The following SNX29 variants were observed in gnomAD, a reference collection of about 807,000 sequenced individuals.
SNX29 encodes sorting nexin-29.
In SNX29, 78 loss-of-function variants were observed where a neutral mutation model predicts 102.1. The observed-to-expected ratio is 0.76, with a 90% CI of 0.64 to 0.92. SNX29 has a LOEUF of 0.92. Among genes scored for constraint, SNX29 ranks in the 40% least tolerant of loss-of-function variants. The probability of loss-of-function intolerance (pLI) is 0.00; values close to 1 mark genes in which losing one functional copy is unlikely to be tolerated. For missense variants in SNX29, 1,280 were observed against 1,061.7 expected (o/e 1.21, Z -2.86); for synonymous variants, 580 against 414.5 (o/e 1.40, Z -4.85).
intron 13 of SNX29, among the ~76,000 whole-genome samples, chr16:12,134,598 A>G (rs2054592785): frequency 6.6e-6 from 1 of 152,188 alleles, no homozygotes; most frequent in East Asian, 1.9e-4. Context: ...CGCACCCAAG[A>G]TGGAAGCCAC....
At chr16:12,265,489 G>C (rs888326790) in intron 14 of SNX29, among the ~76,000 whole-genome samples, 1 of 152,130 alleles carries the variant, frequency 6.6e-6, no homozygotes, top group Non-Finnish European at 1.5e-5. Flanking sequence ...AAAGACACAT[G>C]AGACATGAAA....
rs1041394917 is a variant in SNX29 at position 12,084,929 on chromosome 16, A to T, written c.1402+6014A>T. Among the ~76,000 whole-genome samples the T allele has an allele frequency of 2.0e-5, 3 of 151,960 alleles. No individual in the cohort carries two copies. In the East Asian group the frequency reaches 5.8e-4, roughly 29 times the overall value. On this transcript the variant is annotated intron_variant, in intron 11 of 20. Coordinates refer to ENST00000566228, the MANE Select transcript of SNX29 (RefSeq NM_032167.5). ...ATAAAAAATAAAAAAAATTACCTGGATATGGTGGTGCGTACCTGTATTCCC... is the reference window on the plus strand; with the variant it reads ...ATAAAAAATAAAAAAAATTACCTGGTTATGGTGGTGCGTACCTGTATTCCC...
At chr16:12,564,114 T>G (rs2078886161) in intron 20 of SNX29, among the ~76,000 whole-genome samples, 1 of 152,180 alleles carries the variant, frequency 6.6e-6, no homozygotes. Flanking sequence ...CTTGATTGGG[T>G]GTGGTGGATC....
At chr16:12,252,355 G>T (rs1398858254) in intron 14 of SNX29, among the ~76,000 whole-genome samples, 2 of 152,176 alleles carry the variant, frequency 1.3e-5, no homozygotes, top group Non-Finnish European at 2.9e-5. Flanking sequence ...CCACCTGGCG[G>T]CTACCTCTCA....
chr16:12,142,771 C>T (rs11641707), intron 13 of SNX29, among the ~76,000 whole-genome samples: 29,834 of 151,712 alleles, frequency 0.2, 3,381 homozygotes, highest in Middle Eastern at 0.28. Context: ...TCATGTTGAC[C>T]AGGCTGATCT....
At chr16:12,473,127 C>G (rs2087436994) in intron 18 of SNX29, among the ~76,000 whole-genome samples, 1 of 152,126 alleles carries the variant, frequency 6.6e-6, no homozygotes, top group African/African-American at 2.4e-5. Context: ...ACAAAAAATT[C>G]TAACAATTTT....
At chr16:12,011,191 T>G (rs994903549) in intron 3 of SNX29, among the ~76,000 whole-genome samples, 2 of 141,962 alleles carry the variant, frequency 1.4e-5, no homozygotes, top group Non-Finnish European at 3.0e-5. Context: ...TGCTTGGGGT[T>G]TTTTTTTTTT....
chr16:12,032,785 C>T (rs999444577), intron 4 of SNX29, among the ~76,000 whole-genome samples: 10 of 151,808 alleles, frequency 6.6e-5, no homozygotes, highest in African/African-American at 2.4e-4. Flanking sequence ...GTTGCATTCC[C>T]ACTAGCAATG....
chr16:12,535,739 C>T (rs867484458), intron 20 of SNX29, among the ~76,000 whole-genome samples: 10 of 152,094 alleles, frequency 6.6e-5, no homozygotes, highest in East Asian at 1.9e-4. Flanking sequence ...GGCTTGGTCA[C>T]GCTCGTCTTC....
rs187311692 is a variant in SNX29 at position 12,038,410 on chromosome 16, C to G, written c.248-4487C>G. On this transcript the variant is annotated intron_variant, in intron 4 of 20. Coordinates refer to ENST00000566228, the MANE Select transcript of SNX29 (RefSeq NM_032167.5). ...TAACAGGTGCCCCGGGGCAGCTCTT[C>G]TCAACACCCCTTCCTGGCACTTGTT... 2.0e-3 allele frequency among the ~76,000 whole-genome samples: 299 copies of G among 152,304 alleles called. 5 individuals carry two copies. Among genetic ancestry groups the G allele is most frequent in the Admixed American group, 5.6e-3 (85 of 15,298 alleles).
chr16:12,570,081 T>G lies in SNX29; in HGVS notation c.*1452T>G. On this transcript the variant is annotated 3_prime_UTR_variant, in exon 21 of 21. Transcript: ENST00000566228. Reference sequence around the variant, plus strand: ...TCTGGAGAATCATCTGGAAGGTTTATACTGTGCCTTCCCCTCGTAGCAAAA... The same window carrying G: ...TCTGGAGAATCATCTGGAAGGTTTAGACTGTGCCTTCCCCTCGTAGCAAAA... 5.2e-6 allele frequency: 4 copies of G among 768,638 alleles called. No individual in the cohort carries two copies. The highest frequency in any genetic ancestry group is 6.6e-6 in the Non-Finnish European group (4 of 608,828). 47.6% of individuals were successfully genotyped at this position (768,638 alleles called of 1,614,324 possible).
At chr16:12,263,548 A>G (rs2078841634) in intron 14 of SNX29, among the ~76,000 whole-genome samples, 2 of 152,254 alleles carry the variant, frequency 1.3e-5, no homozygotes, top group Non-Finnish European at 2.9e-5. Flanking sequence ...ATTCCTTGAC[A>G]TGCAGGGGTC....
chr16:12,549,157 C>G (rs185605422), intron 20 of SNX29, among the ~76,000 whole-genome samples: 2 of 152,016 alleles, frequency 1.3e-5, no homozygotes, highest in African/African-American at 2.4e-5. Context: ...GCAGTTATCA[C>G]ATTTGCTGTT....
At chr16:12,287,804 C>T (rs2079647524) in intron 15 of SNX29, among the ~76,000 whole-genome samples, 1 of 152,162 alleles carries the variant, frequency 6.6e-6, no homozygotes, top group African/African-American at 2.4e-5. Context: ...TGTTCTGTCA[C>T]CTGTGTCTCC....
intron 18 of SNX29, among the ~76,000 whole-genome samples, chr16:12,420,999 T>A (rs935414076): frequency 6.6e-6 from 1 of 152,208 alleles, no homozygotes; most frequent in South Asian, 2.1e-4. Flanking sequence ...TGCGGGGTAC[T>A]TTTTCTGCGA....
chr16:12,154,809 G>A (rs1251104621), intron 13 of SNX29, among the ~76,000 whole-genome samples: 1 of 152,176 alleles, frequency 6.6e-6, no homozygotes, highest in African/African-American at 2.4e-5. Flanking sequence ...TTACATGGTG[G>A]AAGAGGTGAG....
intron 11 of SNX29, chr16:12,086,732 TG>T (rs1449405785): frequency 6.6e-6 from 1 of 152,116 alleles, no homozygotes; most frequent in Non-Finnish European, 1.5e-5. Flanking sequence ...AATTTTAAAA[TG>T]AAGAAAAATT....
chr16:12,520,146 G>T (rs959908416), intron 19 of SNX29, among the ~76,000 whole-genome samples: 5 of 152,210 alleles, frequency 3.3e-5, no homozygotes, highest in Non-Finnish European at 7.3e-5. Context: ...TCAGGCCAGG[G>T]TGTCTGCACC....
In SNX29 at chr16:12,048,350, A is replaced by G. The variant is rs1205889015; in HGVS notation, c.500-22A>G. ...GACTGCCCATCAGCAAGCACTCCAG[A>G]CTTTTCCCTTTTTTTGGGCAGGTCT... On this transcript the variant is annotated intron_variant, in intron 6 of 20. Coordinates refer to ENST00000566228, the MANE Select transcript of SNX29 (RefSeq NM_032167.5). 6 of 1,613,554 alleles carry G rather than the reference A, an allele frequency of 3.7e-6. No homozygotes were observed. In the South Asian group the frequency reaches 6.6e-5, roughly 18 times the overall value.
Sources: allele counts gnomAD v4.1 joint callset (sites outside exome capture counted in the v4.1 genomes callset), GRCh38; gene constraint gnomAD v4.1.1; transcripts MANE v1.5; gene names NCBI Gene and HGNC (gene_info 2026-07-23, HGNC 2026-07-21).